CSRNP3: variants seen among roughly 807,000 people sequenced by gnomAD.
The protein encoded by CSRNP3 is cysteine and serine rich nuclear protein 3, also known as cysteine/serine-rich nuclear protein 3.
CSRNP3 carries 12 observed loss-of-function variants against 48.0 expected under a neutral mutation model. The observed-to-expected ratio is 0.25, with a 90% CI of 0.16 to 0.41. The LOEUF is 0.41. CSRNP3 is among the 10% of genes least tolerant of loss of function. CSRNP3 has a pLI of 1.00. For synonymous variants in CSRNP3, 263 were observed against 269.7 expected (o/e 0.98, Z 0.24); for missense variants, 580 against 724.4 (o/e 0.80, Z 2.29).
At chr2:165,594,304 C>G (rs1685774438) in intron 3 of CSRNP3, among the ~76,000 whole-genome samples, 1 of 152,134 alleles carries the variant, frequency 6.6e-6, no homozygotes, top group Non-Finnish European at 1.5e-5. Flanking sequence ...AAAGTTTGTG[C>G]TCCTTACTTG....
At chr2:165,662,568 T>G (rs1209949910) in intron 5 of CSRNP3, among the ~76,000 whole-genome samples, 1 of 152,206 alleles carries the variant, frequency 6.6e-6, no homozygotes, top group Non-Finnish European at 1.5e-5. Flanking sequence ...TGCTTAGATT[T>G]CATCATCTGC....
intron 1 of CSRNP3, among the ~76,000 whole-genome samples, chr2:165,471,165 A>G (rs1365647666): frequency 6.6e-6 from 1 of 152,056 alleles, no homozygotes; most frequent in Non-Finnish European, 1.5e-5. Flanking sequence ...AGTACTAAAT[A>G]TAGTTAATAA....
chr2:165,576,491 G>A (rs1374660446), intron 3 of CSRNP3, among the ~76,000 whole-genome samples: 1 of 152,026 alleles, frequency 6.6e-6, no homozygotes, highest in Non-Finnish European at 1.5e-5. Context: ...GGCAAAGAAG[G>A]AAAGCCCATG....
intron 3 of CSRNP3, among the ~76,000 whole-genome samples, chr2:165,565,200 A>G (rs1385499288): frequency 6.6e-6 from 1 of 152,100 alleles, no homozygotes; most frequent in African/African-American, 2.4e-5. Flanking sequence ...TAATATTCCA[A>G]TAAAATGTGT....
In CSRNP3 at chr2:165,676,411, G is replaced by A; in HGVS notation, c.508G>A (p.Glu170Lys). Reference protein sequence around the residue: ...DIDLDNTEVDEYFFLQPLPTK... With the variant: ...DIDLDNTEVDKYFFLQPLPTK... Reference sequence around the variant, plus strand: ...TGACCTGGACAACACAGAGGTAGATGAGTACTTCTTCCTACAACCTTTGCC... The same window carrying A: ...TGACCTGGACAACACAGAGGTAGATAAGTACTTCTTCCTACAACCTTTGCC... The change falls in exon 6 of 7, where the codon GAG becomes AAG. Residue 170 changes from glutamate to lysine, a missense_variant. Physicochemically the swap from Glu to Lys is moderately conservative, Grantham distance 56. Coordinates refer to ENST00000651982, the MANE Select transcript of CSRNP3 (RefSeq NM_001172173.2). 1 of 1,614,060 alleles carries A rather than the reference G, an allele frequency of 6.2e-7. No homozygotes were observed. Among genetic ancestry groups the A allele is most frequent in the South Asian group, 1.1e-5 (1 of 91,074 alleles).
intron 3 of CSRNP3, among the ~76,000 whole-genome samples, chr2:165,546,568 A>T (rs149093506): frequency 6.6e-6 from 1 of 152,298 alleles, no homozygotes; most frequent in East Asian, 1.9e-4. Context: ...TCCGAGTCAG[A>T]TTCATTCTAA....
chr2:165,571,062 A>G (rs766734597), intron 3 of CSRNP3, among the ~76,000 whole-genome samples: 1 of 151,952 alleles, frequency 6.6e-6, no homozygotes, highest in Non-Finnish European at 1.5e-5. Flanking sequence ...TTGAGTTATA[A>G]TATTTTTTGC....
intron 3 of CSRNP3, among the ~76,000 whole-genome samples, chr2:165,540,714 A>G (rs1309389989): frequency 6.6e-6 from 1 of 151,982 alleles, no homozygotes; most frequent in Non-Finnish European, 1.5e-5. Flanking sequence ...GATTCTGGTT[A>G]CATTCTGAAT....
intron 4 of CSRNP3, among the ~76,000 whole-genome samples, chr2:165,612,981 A>C (rs1051512257): frequency 9.9e-5 from 15 of 152,066 alleles, no homozygotes; most frequent in Non-Finnish European, 2.1e-4. Flanking sequence ...GTAGTTTTTT[A>C]AAAGATACCT....
At position 165,679,057 on chromosome 2, in the gene CSRNP3, C is replaced by T. The variant is rs776281980; in HGVS notation, c.1062C>T (p.Ser354=). The part of the protein sequence containing the change: ...EEEEDGSSFC[S]GVTDSSTQSL... ...AGGAGGATGGGAGCAGCTTTTGCAG[C>T]GGAGTCACAGATTCTAGCACGCAAA... is the stretch of plus-strand genomic sequence containing the variant. The change falls in exon 7 of 7, where the codon AGC becomes AGT. Residue 354 remains serine, a synonymous_variant. Transcript: ENST00000651982. 37 of 1,613,676 alleles carry T rather than the reference C, an allele frequency of 2.3e-5. No individual in the cohort carries two copies. The highest frequency in any genetic ancestry group is 2.7e-5 in the African/African-American group (2 of 74,822).
intron 4 of CSRNP3, among the ~76,000 whole-genome samples, chr2:165,595,758 C>G (rs1481915838): frequency 6.6e-6 from 1 of 151,946 alleles, no homozygotes; most frequent in African/African-American, 2.4e-5. Flanking sequence ...GTATTTAAAG[C>G]CCAACAAGAA....
chr2:165,578,584 T>G (rs1685490542), intron 3 of CSRNP3, among the ~76,000 whole-genome samples: 1 of 152,098 alleles, frequency 6.6e-6, no homozygotes, highest in Admixed American at 6.6e-5. Flanking sequence ...GGAGAATAGC[T>G]TATCATTCTG....
chr2:165,481,885 C>T (rs1308796541), intron 1 of CSRNP3, among the ~76,000 whole-genome samples: 1 of 151,984 alleles, frequency 6.6e-6, no homozygotes, highest in African/African-American at 2.4e-5. Context: ...ATACTGAATA[C>T]ATATGGACAC....
At chr2:165,581,738 T>C (rs1685551270) in intron 3 of CSRNP3, among the ~76,000 whole-genome samples, 1 of 152,122 alleles carries the variant, frequency 6.6e-6, no homozygotes, top group Non-Finnish European at 1.5e-5. Context: ...GGTTTCACCA[T>C]GTTGGCCAGG....
intron 3 of CSRNP3, among the ~76,000 whole-genome samples, chr2:165,534,740 AGTG>A (rs1418770806): frequency 6.6e-6 from 1 of 151,824 alleles, no homozygotes; most frequent in Admixed American, 6.6e-5. Context: ...GAAAAAAGAA[AGTG>A]GTGAAATATT....
intron 5 of CSRNP3, among the ~76,000 whole-genome samples, chr2:165,664,077 C>A (rs551667579): frequency 6.6e-6 from 1 of 152,126 alleles, no homozygotes; most frequent in Non-Finnish European, 1.5e-5. Context: ...TGTTGAAATT[C>A]TCATAAGCTA....
chr2:165,569,276 C>T lies in CSRNP3; in HGVS notation c.-23-25767C>T, dbSNP rs537850480. On this transcript the variant is annotated intron_variant, in intron 3 of 6. Coordinates refer to ENST00000651982, the MANE Select transcript of CSRNP3 (RefSeq NM_001172173.2). ...TCATCAAGGGAGAATCTAATAGTAG[C>T]AAGTGGTATACATACCAGTTAATAT... 6.6e-5 allele frequency among the ~76,000 whole-genome samples: 10 copies of T among 152,140 alleles called. No individual in the cohort carries two copies. The South Asian group carries it at 1.9e-3, about 28-fold the overall frequency.
chr2:165,595,329 C>A, intron 4 of CSRNP3, 116 bp downstream of exon 4: 1 of 961,566 alleles, frequency 1.0e-6, no homozygotes, highest in Non-Finnish European at 1.5e-6. Flanking sequence ...CAACCAAATA[C>A]AAAGAACACT....
At chr2:165,496,879 A>T (rs1684289931) in intron 2 of CSRNP3, among the ~76,000 whole-genome samples, 1 of 152,028 alleles carries the variant, frequency 6.6e-6, no homozygotes, top group Admixed American at 6.6e-5. Context: ...AATCAATTGC[A>T]GGACTTCTCT....
Sources: allele counts gnomAD v4.1 joint callset (sites outside exome capture counted in the v4.1 genomes callset), GRCh38; gene constraint gnomAD v4.1.1; transcripts MANE v1.5; gene names NCBI Gene and HGNC (gene_info 2026-07-23, HGNC 2026-07-21).